The following CIB4 variants were observed in gnomAD, a reference collection of about 807,000 sequenced individuals.
CIB4 encodes the protein calcium and integrin-binding family member 4.
CIB4 carries 25 observed loss-of-function variants against 25.8 expected under a neutral mutation model. That is an observed-to-expected ratio of 0.97 (90% confidence interval 0.71 to 1.35). The LOEUF (loss-of-function observed/expected upper bound fraction) is 1.35, where lower values mean the gene tolerates loss of function less well. CIB4 is among the 40% of genes most tolerant of loss of function. CIB4 has a pLI of 0.00. For synonymous variants in CIB4, 75 were observed against 81.4 expected (o/e 0.92, Z 0.42); for missense variants, 235 against 228.2 (o/e 1.03, Z -0.19).
chr2:26,594,104 G>A (rs74473540), intron 4 of CIB4, among the ~76,000 whole-genome samples: 1,987 of 152,272 alleles, frequency 0.013, 40 homozygotes, highest in African/African-American at 0.045. Context: ...ATCCACTACC[G>A]TTTCCTTCTT....
intron 3 of CIB4, among the ~76,000 whole-genome samples, chr2:26,620,811 A>T (rs922060065): frequency 5.3e-5 from 8 of 152,208 alleles, no homozygotes; most frequent in African/African-American, 1.9e-4. Flanking sequence ...AAGTGAGAAA[A>T]GCACCTTAAA....
At chr2:26,581,818 C>T (rs535318046) in intron 6 of CIB4, among the ~76,000 whole-genome samples, 3 of 152,322 alleles carry the variant, frequency 2.0e-5, no homozygotes, top group African/African-American at 7.2e-5. Context: ...GAGCCCCCTC[C>T]TCATCCAGGC....
chr2:26,590,346 A>G (rs1262112375), intron 4 of CIB4, among the ~76,000 whole-genome samples: 1 of 148,990 alleles, frequency 6.7e-6, no homozygotes, highest in African/African-American at 2.5e-5. Flanking sequence ...AATGCTTCTT[A>G]GACGTTAAAG....
chr2:26,617,120 A>ATGTGTG (rs3220777), intron 3 of CIB4, among the ~76,000 whole-genome samples: 1,378 of 137,780 alleles, frequency 0.01, 14 homozygotes, highest in African/African-American at 0.025. Context: ...AGAGCATGGA[A>ATGTGTG]TGTGTGTGTG....
intron 3 of CIB4, among the ~76,000 whole-genome samples, chr2:26,609,497 A>T (rs558894757): frequency 6.6e-5 from 10 of 152,126 alleles, no homozygotes; most frequent in African/African-American, 9.7e-5. Flanking sequence ...GTCTGGGTGA[A>T]TGTGAAGCGA....
chr2:26,617,147 T>TGTGTGTGTGTGTGTGCGCGC lies in CIB4; in HGVS notation c.186+12262_186+12263insGCGCGCACACACACACACAC, dbSNP rs10665609. Among the ~76,000 whole-genome samples, 157 of 150,526 alleles carry TGTGTGTGTGTGTGTGCGCGC rather than the reference T, an allele frequency of 1.0e-3. 1 individual carries two copies. Among genetic ancestry groups the TGTGTGTGTGTGTGTGCGCGC allele is most frequent in the Admixed American group, 4.0e-3 (60 of 15,080 alleles). ...GTGTGTGTGTGTGTGTGTGTGTGTG[T>TGTGTGTGTGTGTGTGCGCGC]GCACGTGAGCGTGGGTGGGCATGAT... On this transcript the variant is annotated intron_variant, in intron 3 of 6. Coordinates refer to ENST00000288861, the MANE Select transcript of CIB4 (RefSeq NM_001029881.3).
intron 6 of CIB4, 72 bp downstream of exon 6, chr2:26,582,753 G>A: frequency 1.1e-6 from 1 of 876,630 alleles, no homozygotes; most frequent in Non-Finnish European, 1.9e-6. Context: ...CCCATGGAGT[G>A]AGGAGAGACT....
chr2:26,599,285 A>G (rs1198786037), intron 3 of CIB4, among the ~76,000 whole-genome samples: 4 of 152,224 alleles, frequency 2.6e-5, no homozygotes, highest in African/African-American at 9.6e-5. Flanking sequence ...TGATGAAACT[A>G]AAGTAGATGA....
chr2:26,592,323 G>A (rs1232239047), intron 4 of CIB4, among the ~76,000 whole-genome samples: 1 of 152,224 alleles, frequency 6.6e-6, no homozygotes, highest in Non-Finnish European at 1.5e-5. Context: ...CGGCTAGAGG[G>A]CTCCAACTCC....
chr2:26,607,956 G>C (rs1178329928), intron 3 of CIB4, among the ~76,000 whole-genome samples: 2 of 152,256 alleles, frequency 1.3e-5, no homozygotes, highest in African/African-American at 4.8e-5. Context: ...GAGCAGCTCT[G>C]GCCGGGCGCG....
intron 3 of CIB4, among the ~76,000 whole-genome samples, chr2:26,595,861 C>CTAT (rs1668671752): frequency 6.6e-6 from 1 of 152,088 alleles, no homozygotes; most frequent in African/African-American, 2.4e-5. Flanking sequence ...GACACCAATA[C>CTAT]ACTCCTTAGA....
chr2:26,640,713 G>C, intron 1 of CIB4, 146 bp from the exon 2 acceptor site: 2 of 792,234 alleles, frequency 2.5e-6, no homozygotes, highest in South Asian at 1.7e-5. Flanking sequence ...GTGGATGCCT[G>C]AGGTGGCAGC....
intron 3 of CIB4, among the ~76,000 whole-genome samples, chr2:26,617,309 G>A (rs1305201767): frequency 1.3e-5 from 2 of 152,142 alleles, no homozygotes; most frequent in African/African-American, 2.4e-5. Flanking sequence ...AGGGCGAGAT[G>A]AGGAGAGAGA....
chr2:26,593,322 G>A (rs144415481), intron 4 of CIB4, among the ~76,000 whole-genome samples: 2 of 147,196 alleles, frequency 1.4e-5, no homozygotes, highest in Admixed American at 6.7e-5. Context: ...GTGTGTGTGT[G>A]TATATGTGTG....
chr2:26,588,327 T>G (rs890978449), intron 4 of CIB4, among the ~76,000 whole-genome samples: 1 of 152,250 alleles, frequency 6.6e-6, no homozygotes, highest in Non-Finnish European at 1.5e-5. Flanking sequence ...TCCTGGACAG[T>G]TCCCCTCCTT....
At chr2:26,601,229 A>ATAT (rs1338707870) in intron 3 of CIB4, among the ~76,000 whole-genome samples, 4 of 25,364 alleles carry the variant, frequency 1.6e-4, no homozygotes, top group African/African-American at 3.6e-4. Context: ...AAAAAAAAAA[A>ATAT]AAATATATAT....
intron 3 of CIB4, among the ~76,000 whole-genome samples, chr2:26,625,465 G>C (rs527768368): frequency 3.3e-5 from 5 of 149,924 alleles, no homozygotes; most frequent in African/African-American, 1.2e-4. Context: ...CGATTCTCCT[G>C]CCTCCGCCTC....
rs1668531530 is a variant in CIB4 at position 26,589,108 on chromosome 2, C to CCTCTTCT, written c.329-5211_329-5210insAGAAGAG. Among the ~76,000 whole-genome samples the CCTCTTCT allele has an allele frequency of 3.4e-4, 23 of 67,824 alleles. 4 individuals are homozygous for CCTCTTCT. The highest frequency in any genetic ancestry group is 1.4e-3 in the African/African-American group (20 of 14,774). 44.5% of individuals were successfully genotyped at this position (67,824 alleles called of 152,430 possible). Reference sequence around the variant, plus strand: ...CTTCTTCTTCTTCTTCTTCTTCTTCCTCTTCTTCTTCTTCTTCTTCTTCTT... The same window carrying CCTCTTCT: ...CTTCTTCTTCTTCTTCTTCTTCTTCCCTCTTCTTCTTCTTCTTCTTCTTCTTCTTCTT... On this transcript the variant is annotated intron_variant, in intron 4 of 6. Coordinates refer to ENST00000288861, the MANE Select transcript of CIB4 (RefSeq NM_001029881.3).
intron 3 of CIB4, among the ~76,000 whole-genome samples, chr2:26,616,559 C>T (rs899300413): frequency 7.2e-5 from 11 of 152,134 alleles, no homozygotes; most frequent in African/African-American, 9.7e-5. Context: ...CACAGGAGCC[C>T]GAGAAGCTGG....
Sources: allele counts gnomAD v4.1 joint callset (sites outside exome capture counted in the v4.1 genomes callset), GRCh38; gene constraint gnomAD v4.1.1; transcripts MANE v1.5; gene names NCBI Gene and HGNC (gene_info 2026-07-23, HGNC 2026-07-21).